Variants in AK3 observed in about 807,000 individuals in gnomAD.
AK3 encodes the protein adenylate kinase 3, also known as GTP:AMP phosphotransferase AK3, mitochondrial.
AK3 carries 27 observed loss-of-function variants against 23.7 expected under a neutral mutation model. That is an observed-to-expected ratio of 1.14 (90% CI 0.84 to 1.57). The LOEUF (loss-of-function observed/expected upper bound fraction) is 1.57. Ranked by LOEUF, AK3 falls within the 40% of genes most tolerant of loss-of-function variation. The pLI, the probability that AK3 is intolerant of heterozygous loss-of-function variation, is 0.00. For missense variants in AK3, 406 were observed against 285.6 expected, an observed-to-expected ratio of 1.42 and a Z score of -3.04; for synonymous variants, 159 against 116.0, an observed-to-expected ratio of 1.37 and a Z score of -2.38.
In AK3 at chr9:4,710,561, A is replaced by G. The variant is rs1003642133; in HGVS notation, c.*2415T>C. ...AAAAGTATAGTAGTTTCTCCTAGCC[A>G]TGGCATTCAGCTCCATACATGTATT... On this transcript the variant is annotated 3_prime_UTR_variant, in exon 5 of 5. Coordinates refer to ENST00000381809, the MANE Select transcript of AK3 (RefSeq NM_016282.4). The G allele has an allele frequency of 1.3e-5, 2 of 152,116 alleles. No individual in the cohort carries two copies. Among genetic ancestry groups the G allele is most frequent in the Non-Finnish European group, 1.5e-5 (1 of 68,036 alleles). 9.4% of individuals were successfully genotyped at this position (152,116 alleles called of 1,614,324 possible). A position where few individuals can be genotyped will look rare whatever the true frequency, so the allele number is the denominator to read the frequency against.
chr9:4,733,098 C>T (rs1441200154), intron 1 of AK3, among the ~76,000 whole-genome samples: 1 of 152,074 alleles, frequency 6.6e-6, no homozygotes, highest in Non-Finnish European at 1.5e-5. Flanking sequence ...ATCCTCCTGC[C>T]TTAGCCTCCC....
In AK3 at chr9:4,719,924, G is replaced by A. The variant is rs187992680; in HGVS notation, c.272-617C>T. On this transcript the variant is annotated intron_variant, in intron 2 of 4. Coordinates refer to ENST00000381809, the MANE Select transcript of AK3 (RefSeq NM_016282.4). ...CTACAAAAATACAAAAATTAGCCTGGCATGATGGCAGGTCCCTGTAATCCC... is the reference window on the plus strand; with the variant it reads ...CTACAAAAATACAAAAATTAGCCTGACATGATGGCAGGTCCCTGTAATCCC... Among the ~76,000 whole-genome samples, 337 of 151,548 alleles carry A rather than the reference G, an allele frequency of 2.2e-3. 7 individuals are homozygous for A. Among genetic ancestry groups the A allele is most frequent in the Non-Finnish European group, 2.5e-4 (17 of 67,934 alleles).
At position 4,718,000 on chromosome 9, in the gene AK3, A is replaced by C. The variant is rs912842925; in HGVS notation, c.563+419T>G. ...CTGGTTCTGCAGTAGGCAGTAACCC[A>C]AGCCTGTAACAGTTAGTGCCAGGCA... On this transcript the variant is annotated intron_variant, in intron 4 of 4. Transcript: ENST00000381809. Among the ~76,000 whole-genome samples, 12 of 152,354 alleles carry C rather than the reference A, an allele frequency of 7.9e-5. No homozygotes were observed. The South Asian group carries it at 2.5e-3, about 32-fold the overall frequency.
chr9:4,736,064 G>A (rs941575908), intron 1 of AK3, among the ~76,000 whole-genome samples: 2 of 147,196 alleles, frequency 1.4e-5, no homozygotes, highest in African/African-American at 2.5e-5. Flanking sequence ...ACAGTGAGCC[G>A]AGATCGTGCC....
At chr9:4,728,268 T>A (rs752414872) in intron 1 of AK3, among the ~76,000 whole-genome samples, 1 of 152,168 alleles carries the variant, frequency 6.6e-6, no homozygotes, top group Non-Finnish European at 1.5e-5. Flanking sequence ...AAACAACATA[T>A]GCCTTTAAAA....
rs1563781241 is a variant in AK3, at chr9:4,714,136, A to ACACATATACACACCTC, written c.564-1056_564-1041dup. Among the ~76,000 whole-genome samples the ACACATATACACACCTC allele has an allele frequency of 1.8e-3, 23 of 12,822 alleles. 3 individuals are homozygous for ACACATATACACACCTC. Among genetic ancestry groups the ACACATATACACACCTC allele is most frequent in the Admixed American group, 8.7e-4 (1 of 1,154 alleles). The allele number at this position is 12,822 out of a possible 152,430, so 8.4% of individuals were successfully genotyped here. ...TACACACCTCCACATATACACACCT[A>ACACATATACACACCTC]CACATATACACACCTCCACATACAC... is the stretch of plus-strand genomic sequence containing the variant. On this transcript the variant is annotated intron_variant, in intron 4 of 4. Transcript: ENST00000381809.
At chr9:4,736,220 T>C (rs959692790) in intron 1 of AK3, among the ~76,000 whole-genome samples, 5 of 152,166 alleles carry the variant, frequency 3.3e-5, no homozygotes, top group South Asian at 4.1e-4. Context: ...TTATATGGTA[T>C]GTTAATTATA....
At chr9:4,731,169 G>A (rs1842144328) in intron 1 of AK3, among the ~76,000 whole-genome samples, 1 of 152,104 alleles carries the variant, frequency 6.6e-6, no homozygotes, top group Admixed American at 6.6e-5. Flanking sequence ...TTTGTTACAT[G>A]GGTGAACTTG....
intron 2 of AK3, among the ~76,000 whole-genome samples, chr9:4,720,087 A>G (rs1419592650): frequency 6.6e-6 from 1 of 152,144 alleles, no homozygotes; most frequent in African/African-American, 2.4e-5. Context: ...AACACTCCAG[A>G]GGCTATTTCT....
chr9:4,722,797 C>T lies in AK3; in HGVS notation c.152-172G>A, dbSNP rs181912417. Among the ~76,000 whole-genome samples the T allele has an allele frequency of 1.1e-3, 170 of 152,330 alleles. 1 individual carries two copies. Among genetic ancestry groups the T allele is most frequent in the Middle Eastern group, 3.4e-3 (1 of 294 alleles). ...TATGGCCGGGAACAGTGGTTCATAC[C>T]TGTAACCCCAGCACTTTGGGAGGCC... On this transcript the variant is annotated intron_variant, in intron 1 of 4. Transcript: ENST00000381809.
chr9:4,736,038 G>T (rs982170342), intron 1 of AK3, among the ~76,000 whole-genome samples: 1 of 150,618 alleles, frequency 6.6e-6, no homozygotes, highest in Non-Finnish European at 1.5e-5. Flanking sequence ...GCACTTGAAC[G>T]TGGGAGGCGG....
chr9:4,724,547 A>T (rs572013497), intron 1 of AK3, among the ~76,000 whole-genome samples: 24 of 152,308 alleles, frequency 1.6e-4, no homozygotes, highest in Non-Finnish European at 2.8e-4. Flanking sequence ...AGAAAAAAAG[A>T]AGTAAAACTA....
intron 1 of AK3, among the ~76,000 whole-genome samples, chr9:4,732,671 G>C (rs1173322481): frequency 6.6e-6 from 1 of 152,066 alleles, no homozygotes; most frequent in Non-Finnish European, 1.5e-5. Flanking sequence ...CTAAAACATG[G>C]AGACATTAGT....
intron 2 of AK3, among the ~76,000 whole-genome samples, chr9:4,721,615 C>A (rs1215532106): frequency 6.6e-6 from 1 of 151,966 alleles, no homozygotes; most frequent in Admixed American, 6.6e-5. Context: ...TGCGCCATCA[C>A]GCCCGGCTAA....
At chr9:4,720,621 T>C (rs1464849981) in intron 2 of AK3, among the ~76,000 whole-genome samples, 2 of 149,710 alleles carry the variant, frequency 1.3e-5, no homozygotes, top group Non-Finnish European at 3.0e-5. Context: ...GCTCAGGAGG[T>C]CAAGGCTGCA....
At chr9:4,715,875 G>A (rs1841713007) in intron 4 of AK3, among the ~76,000 whole-genome samples, 1 of 152,224 alleles carries the variant, frequency 6.6e-6, no homozygotes. Flanking sequence ...CAGTCGACGA[G>A]GTTCAGGAGA....
chr9:4,719,296 T>C lies in AK3; in HGVS notation c.283A>G (p.Thr95Ala), dbSNP rs758929376. The C allele has an allele frequency of 1.9e-6, 3 of 1,592,000 alleles. No homozygotes were observed. Among genetic ancestry groups the C allele is most frequent in the Non-Finnish European group, 2.6e-6 (3 of 1,173,260 alleles). ...YSWLLDGFPR[T>A]LPQAEALDRA... ...TCTAGGGCTTCTGCCTGTGGAAGTG[T>C]CCTTGGAAAACCTTTATAAAGTAAA... The change falls in exon 3 of 5, where the codon ACA becomes GCA. Residue 95 changes from threonine (T) to alanine (A), a missense_variant. Thr to Ala is a moderately conservative substitution (Grantham distance 58). Transcript: ENST00000381809.
In AK3 at chr9:4,722,617, C is replaced by T. The variant is rs773912544; in HGVS notation, c.160G>A (p.Val54Met). Residue 54 changes from valine (V) to methionine (M), a missense_variant, in exon 2 of 5, where the codon GTG becomes ATG. Physicochemically the swap from Val to Met is conservative, Grantham distance 21. Coordinates refer to ENST00000381809, the MANE Select transcript of AK3 (RefSeq NM_016282.4). ...TGGTCAATGAAAGCCTTGGCTAACA[C>T]GCCAATTTCTACAGCAAAGCGGGGA... ...DNMLRGTEIG[V>M]LAKAFIDQGK... The T allele has an allele frequency of 9.9e-6, 16 of 1,613,992 alleles. No individual in the cohort carries two copies. The highest frequency in any genetic ancestry group is 1.6e-4 in the Middle Eastern group (1 of 6,084).
upstream of AK3, chr9:4,741,908 C>A (rs1408271768): frequency 1.3e-5 from 2 of 151,348 alleles, no homozygotes; most frequent in Admixed American, 1.3e-4. Context: ...TGCCGAGCGC[C>A]CTCTCTTCCC....
Sources: gnomAD v4.1 joint callset for allele counts (sites outside exome capture counted in the v4.1 genomes callset) on GRCh38, gnomAD v4.1.1 for gene constraint, MANE v1.5 for transcripts, NCBI Gene and HGNC (gene_info 2026-07-23, HGNC 2026-07-21) for gene names.